Variants in TRIM44 observed in about 807,000 individuals in gnomAD.
The protein encoded by TRIM44 is tripartite motif-containing protein 44.
Under a neutral mutation model 37.4 loss-of-function variants are expected in TRIM44, and 13 were observed. The observed-to-expected ratio is 0.35, with a 90% confidence interval of 0.23 to 0.55. The LOEUF (loss-of-function observed/expected upper bound fraction) is 0.55. Ranked by LOEUF, TRIM44 falls within the 20% of genes least tolerant of loss-of-function variation. The probability of loss-of-function intolerance (pLI) is 0.89; values close to 1 mark genes in which losing one functional copy is unlikely to be tolerated. For missense variants in TRIM44, 426 were observed against 437.2 expected (o/e 0.97, Z 0.23); for synonymous variants, 175 against 157.2 (o/e 1.11, Z -0.85).
intron 4 of TRIM44, among the ~76,000 whole-genome samples, chr11:35,796,774 C>A (rs1044811448): frequency 6.6e-6 from 1 of 152,134 alleles, no homozygotes; most frequent in African/African-American, 2.4e-5. Context: ...GGCCCCAGGG[C>A]ATTTTTCTCT....
chr11:35,732,712 G>A (rs1852277534), intron 3 of TRIM44, among the ~76,000 whole-genome samples: 1 of 152,158 alleles, frequency 6.6e-6, no homozygotes, highest in South Asian at 2.1e-4. Flanking sequence ...TTCGAGTAAG[G>A]CTTGATCTTA....
At chr11:35,737,501 A>G (rs1310937531) in intron 4 of TRIM44, among the ~76,000 whole-genome samples, 1 of 152,118 alleles carries the variant, frequency 6.6e-6, no homozygotes, top group African/African-American at 2.4e-5. Context: ...GGGCAACATT[A>G]TAAGACTCTG....
chr11:35,722,622 A>G (rs1852122676), intron 2 of TRIM44, among the ~76,000 whole-genome samples: 1 of 152,160 alleles, frequency 6.6e-6, no homozygotes, highest in African/African-American at 2.4e-5. Flanking sequence ...TGCTGGTGGG[A>G]CTGTAATGGT....
chr11:35,717,152 A>G (rs1027613949), intron 2 of TRIM44, among the ~76,000 whole-genome samples: 6 of 152,228 alleles, frequency 3.9e-5, no homozygotes, highest in African/African-American at 1.4e-4. Flanking sequence ...CATAGGAGCC[A>G]TCCTTATGGA....
intron 4 of TRIM44, among the ~76,000 whole-genome samples, chr11:35,741,700 C>T (rs986406900): frequency 3.9e-5 from 6 of 152,148 alleles, no homozygotes; most frequent in Non-Finnish European, 8.8e-5. Flanking sequence ...TATTTGGCCT[C>T]GGAACTTATC....
At chr11:35,799,813 A>AT (rs1174083481) in intron 4 of TRIM44, among the ~76,000 whole-genome samples, 1 of 152,200 alleles carries the variant, frequency 6.6e-6, no homozygotes, top group Non-Finnish European at 1.5e-5. Context: ...AATAGTGGCC[A>AT]TTACTGAAAG....
rs1844945536 is a variant in TRIM44 at position 35,814,714 on chromosome 11, AATG to A, written c.*8334_*8336del. On this transcript the variant is annotated 3_prime_UTR_variant, in exon 5 of 5. Transcript: ENST00000299413. ...CCATACCTATCTTTTTGCTGGTGGT[AATG>A]ATGAGTTTTGTCACTTGCTATAACA... 6.6e-6 allele frequency: 1 copy of A among 152,098 alleles called. No homozygotes were observed. The highest frequency in any genetic ancestry group is 2.1e-4 in the South Asian group (1 of 4,824). The allele number at this position is 152,098 out of a possible 1,614,324, so 9.4% of individuals were successfully genotyped here. A position where few individuals can be genotyped will look rare whatever the true frequency, so the allele number is the denominator to read the frequency against.
intron 4 of TRIM44, among the ~76,000 whole-genome samples, chr11:35,758,051 G>C (rs140325096): frequency 0.013 from 1,952 of 152,122 alleles, 46 homozygotes; most frequent in African/African-American, 0.044. Context: ...TCCTGGGTAT[G>C]CTTGCTAACT....
At chr11:35,760,656 A>G (rs1852712739) in intron 4 of TRIM44, among the ~76,000 whole-genome samples, 2 of 152,142 alleles carry the variant, frequency 1.3e-5, no homozygotes, top group Non-Finnish European at 2.9e-5. Flanking sequence ...TGTTTTTTAA[A>G]TTAATTTATT....
At chr11:35,740,233 C>G (rs1852378342) in intron 4 of TRIM44, among the ~76,000 whole-genome samples, 1 of 146,764 alleles carries the variant, frequency 6.8e-6, no homozygotes. Context: ...ATCTTGTGTT[C>G]ACTCCCTCAC....
chr11:35,801,691 A>C (rs1457513499), intron 4 of TRIM44, among the ~76,000 whole-genome samples: 1 of 152,188 alleles, frequency 6.6e-6, no homozygotes, highest in African/African-American at 2.4e-5. Context: ...TCAGTTTCAC[A>C]GGCACCACAT....
intron 2 of TRIM44, among the ~76,000 whole-genome samples, chr11:35,700,609 A>T (rs572192936): frequency 3.3e-5 from 5 of 152,240 alleles, no homozygotes; most frequent in Admixed American, 2.6e-4. Flanking sequence ...TCATGTGTGG[A>T]TTTTCCAACT....
At chr11:35,756,575 T>C (rs1036246133) in intron 4 of TRIM44, among the ~76,000 whole-genome samples, 4 of 152,114 alleles carry the variant, frequency 2.6e-5, no homozygotes, top group Admixed American at 1.3e-4. Flanking sequence ...GGCATCCCTG[T>C]CTTGTGCCAG....
chr11:35,671,156 ACTT>A (rs1851389105), intron 1 of TRIM44, among the ~76,000 whole-genome samples: 1 of 152,216 alleles, frequency 6.6e-6, no homozygotes, highest in South Asian at 2.1e-4. Flanking sequence ...GAAAGTCTGT[ACTT>A]CTGTCAGAGC....
At chr11:35,774,607 C>T (rs1165149506) in intron 4 of TRIM44, among the ~76,000 whole-genome samples, 2 of 152,300 alleles carry the variant, frequency 1.3e-5, no homozygotes, top group East Asian at 1.9e-4. Flanking sequence ...TTAGGTCTAA[C>T]ATGTAAGTCT....
At chr11:35,681,837 A>G (rs1851523481) in intron 1 of TRIM44, among the ~76,000 whole-genome samples, 2 of 152,106 alleles carry the variant, frequency 1.3e-5, no homozygotes, top group Non-Finnish European at 2.9e-5. Context: ...GGCTGTCCTC[A>G]GCAAACAAAT....
rs893351646 is a variant in TRIM44 at position 35,718,577 on chromosome 11, T to C, written c.748-7347T>C. The stretch of plus-strand genomic sequence containing the variant: ...TCATTGGTGAAGCTCTACTGACATA[T>C]CATTATCACCCAAAGTTTATAGTTT... On this transcript the variant is annotated intron_variant, in intron 2 of 4. Transcript: ENST00000299413. 2.0e-5 allele frequency among the ~76,000 whole-genome samples: 3 copies of C among 152,292 alleles called. No individual in the cohort carries two copies. In the South Asian group the frequency reaches 6.2e-4, roughly 32 times the overall value.
chr11:35,757,630 G>C (rs1021325753), intron 4 of TRIM44, among the ~76,000 whole-genome samples: 7 of 152,068 alleles, frequency 4.6e-5, no homozygotes, highest in African/African-American at 1.7e-4. Flanking sequence ...TCTCTTGTGG[G>C]CATTTAGTGC....
At position 35,704,673 on chromosome 11, in the gene TRIM44, C is replaced by T. The variant is rs185113784; in HGVS notation, c.747+19337C>T. On this transcript the variant is annotated intron_variant, in intron 2 of 4. Coordinates refer to ENST00000299413, the MANE Select transcript of TRIM44 (RefSeq NM_017583.6). ...ATCCAGCCAAACTAAACTTCATAAG[C>T]GAAGGAGAAATAAAATACTTTACAG... is the stretch of plus-strand genomic sequence containing the variant. Among the ~76,000 whole-genome samples, 961 of 152,064 alleles carry T rather than the reference C, an allele frequency of 6.3e-3. 9 individuals are homozygous for T. The highest frequency in any genetic ancestry group is 7.2e-3 in the Non-Finnish European group (490 of 67,996).
Sources: allele counts gnomAD v4.1 joint callset (sites outside exome capture counted in the v4.1 genomes callset), GRCh38; gene constraint gnomAD v4.1.1; transcripts MANE v1.5; gene names NCBI Gene and HGNC (gene_info 2026-07-23, HGNC 2026-07-21).